Variants in ABR observed in about 807,000 individuals in gnomAD.
ABR encodes active breakpoint cluster region-related protein.
A neutral mutation model predicts 107.2 loss-of-function variants in ABR; 35 were observed. That is an observed-to-expected ratio of 0.33 (90% CI 0.25 to 0.43). The LOEUF (loss-of-function observed/expected upper bound fraction) is 0.43, where lower values mean the gene tolerates loss of function less well. Among genes scored for constraint, ABR ranks in the 20% least tolerant of loss-of-function variants. The probability of loss-of-function intolerance (pLI) is 1.00; values close to 1 mark genes in which losing one functional copy is unlikely to be tolerated. For missense variants in ABR, 815 were observed against 1,115.2 expected (o/e 0.73, Z 3.83); for synonymous variants, 498 against 462.0 (o/e 1.08, Z -1.00).
At chr17:1,149,791 G>A (rs542394595) in intron 1 of ABR, among the ~76,000 whole-genome samples, 57 of 152,276 alleles carry the variant, frequency 3.7e-4, no homozygotes, top group Non-Finnish European at 6.9e-4. Flanking sequence ...AGGGGTTGCC[G>A]GGCACCTGTC....
chr17:1,088,207 C>T (rs1026353744), intron 4 of ABR, among the ~76,000 whole-genome samples: 4 of 152,038 alleles, frequency 2.6e-5, no homozygotes, highest in African/African-American at 7.2e-5. Context: ...AGACCAGAAC[C>T]GGGGACAGCC....
chr17:1,010,679 T>A lies in ABR; in HGVS notation c.2236+50A>T. The A allele has an allele frequency of 6.3e-7, 1 of 1,596,324 alleles. No individual in the cohort carries two copies. Among genetic ancestry groups the A allele is most frequent in the Non-Finnish European group, 8.5e-7 (1 of 1,170,160 alleles). ...GCTGGTTACTTCTCCGGGCAGGGAG[T>A]CCTGGCTCAGTCTGGCCCAGCCCAG... On this transcript the variant is annotated intron_variant, in intron 20 of 22. Transcript: ENST00000302538. The surrounding 1 kb of genome is among the most constrained non-coding windows in gnomAD (Gnocchi z 4.1).
Position 1,197,988 on chromosome 17 carries a change from C to T in ABR, c.838+30805G>A, listed in dbSNP as rs182639563. Among the ~76,000 whole-genome samples, 11 of 151,850 alleles carry T rather than the reference C, an allele frequency of 7.2e-5. 1 individual carries two copies. Among genetic ancestry groups the T allele is most frequent in the Admixed American group, 3.3e-4 (5 of 15,268 alleles). Reference sequence around the variant, plus strand: ...GGAACACTGCCGCTGCTGCTGCGCCCGGCTGGCCGCAGCCCCACGCTGTGG... The same window carrying T: ...GGAACACTGCCGCTGCTGCTGCGCCTGGCTGGCCGCAGCCCCACGCTGTGG... On this transcript the variant is annotated intron_variant, in intron 1 of 22. Coordinates refer to the ABR transcript ENST00000574139.
Position 1,179,736 on chromosome 17 carries a change from G to C in ABR, c.-9C>G, listed in dbSNP as rs772673466. On this transcript the variant is annotated 5_prime_UTR_variant, in exon 1 of 23. Transcript: ENST00000302538. The surrounding 1 kb of genome is among the most constrained non-coding windows in gnomAD (Gnocchi z 4.9). ...TGGCTGAGCGGCTCCATCCCGCGGC[G>C]GCGGCTCGGTCAGATCCGAAACCCG... is the stretch of plus-strand genomic sequence containing the variant. The C allele has an allele frequency of 6.6e-7, 1 of 1,526,640 alleles. No individual in the cohort carries two copies. Among genetic ancestry groups the C allele is most frequent in the South Asian group, 1.2e-5 (1 of 80,896 alleles). 94.6% of individuals were successfully genotyped at this position (1,526,640 alleles called of 1,614,324 possible).
rs997910371 is a variant in ABR at position 1,150,562 on chromosome 17, C to G, written c.62-25195G>C. 2.6e-5 allele frequency among the ~76,000 whole-genome samples: 4 copies of G among 152,198 alleles called. No homozygotes were observed. Among genetic ancestry groups the G allele is most frequent in the Admixed American group, 2.6e-4 (4 of 15,278 alleles). On this transcript the variant is annotated intron_variant, in intron 1 of 22. Coordinates refer to ENST00000302538, the MANE Select transcript of ABR (RefSeq NM_021962.5). The surrounding 1 kb of genome is among the most constrained non-coding windows in gnomAD (Gnocchi z 4.8). Reference sequence around the variant, plus strand: ...CCAGGAGGACGGGCCCCGGGCATGGCAAGCGCACTGCCCCCTCTCACTCCT... The same window carrying G: ...CCAGGAGGACGGGCCCCGGGCATGGGAAGCGCACTGCCCCCTCTCACTCCT...
chr17:1,123,866 G>A (rs2039465750), intron 2 of ABR, among the ~76,000 whole-genome samples: 1 of 152,158 alleles, frequency 6.6e-6, no homozygotes, highest in African/African-American at 2.4e-5. Flanking sequence ...GAGAACCAGG[G>A]CAAAAACCCT....
In ABR at chr17:1,024,615, G is replaced by A. The variant is rs528499678; in HGVS notation, c.1792-11451C>T. Among the ~76,000 whole-genome samples the A allele has an allele frequency of 5.3e-4, 80 of 151,960 alleles. 1 individual carries two copies. Among genetic ancestry groups the A allele is most frequent in the African/African-American group, 1.6e-3 (65 of 41,472 alleles). On this transcript the variant is annotated intron_variant, in intron 16 of 22. Transcript: ENST00000302538. ...AGCCTGCGCAACATAACGAAACCTC[G>A]TCTTTACAAAAAATACAAAAATTAG...
At chr17:1,068,397 T>C (rs532702265) in intron 9 of ABR, among the ~76,000 whole-genome samples, 1 of 152,266 alleles carries the variant, frequency 6.6e-6, no homozygotes, top group African/African-American at 2.4e-5. Context: ...AGAGGTAGGA[T>C]AGCCTGGTGG....
chr17:1,184,384 G>A (rs9900992), upstream of ABR, among the ~76,000 whole-genome samples: 329 of 150,744 alleles, frequency 2.2e-3, 2 homozygotes, highest in African/African-American at 7.5e-3. Context: ...GAACCTGGGA[G>A]GTGGAGCTTG....
Position 1,076,285 on chromosome 17 carries a change from T to C in ABR, c.701-2608A>G, listed in dbSNP as rs182743622. Among the ~76,000 whole-genome samples, 269 of 152,266 alleles carry C rather than the reference T, an allele frequency of 1.8e-3. 1 individual carries two copies. Among genetic ancestry groups the C allele is most frequent in the African/African-American group, 6.1e-3 (252 of 41,562 alleles). The stretch of plus-strand genomic sequence containing the variant: ...TTCCAGAGACCCTCCCCATGGGCCA[T>C]GGAAGCTTGAAGGAATGAGGCCAGT... On this transcript the variant is annotated intron_variant, in intron 6 of 22. Transcript: ENST00000302538.
intron 2 of ABR, among the ~76,000 whole-genome samples, chr17:1,105,021 T>C (rs2038153153): frequency 6.7e-6 from 1 of 149,740 alleles, no homozygotes; most frequent in Non-Finnish European, 1.5e-5. Flanking sequence ...TTTTTTTTTT[T>C]TTTTTGAGAC....
At chr17:1,196,915 CA>C (rs1170147662) in intron 1 of ABR, among the ~76,000 whole-genome samples, 1 of 151,832 alleles carries the variant, frequency 6.6e-6, no homozygotes, top group Non-Finnish European at 1.5e-5. Flanking sequence ...AGGATGGTCT[CA>C]ATCTCCTGAC....
chr17:1,058,646 T>C (rs2033607588), intron 11 of ABR, 99 bp downstream of exon 11: 2 of 1,466,314 alleles, frequency 1.4e-6, no homozygotes, highest in African/African-American at 1.4e-5. Context: ...AGAGGGGGCC[T>C]GAGTTTCCGG....
chr17:1,077,603 C>G (rs1266852944), intron 6 of ABR, among the ~76,000 whole-genome samples: 1 of 152,186 alleles, frequency 6.6e-6, no homozygotes, highest in African/African-American at 2.4e-5. Context: ...GGTCAGGGGG[C>G]ACTGGCCCCA....
intron 9 of ABR, among the ~76,000 whole-genome samples, 196 bp from the exon 10 acceptor site, chr17:1,067,438 C>T (rs1035890870): frequency 6.6e-6 from 1 of 152,236 alleles, no homozygotes; most frequent in African/African-American, 2.4e-5. Context: ...GGGGTCCGCC[C>T]CGCCCGCAGG....
intron 1 of ABR, among the ~76,000 whole-genome samples, chr17:1,186,428 TC>T (rs34525428): frequency 6.6e-6 from 1 of 152,170 alleles, no homozygotes; most frequent in Non-Finnish European, 1.5e-5. Flanking sequence ...GTGGACCTGC[TC>T]CCCGGGGAGC....
At chr17:1,095,057 G>A (rs979412261) in intron 3 of ABR, among the ~76,000 whole-genome samples, 1 of 152,146 alleles carries the variant, frequency 6.6e-6, no homozygotes, top group Admixed American at 6.5e-5. Context: ...GGAGGAGCCC[G>A]CAGAGTCGCC....
chr17:1,087,218 CT>C (rs1429409095), intron 4 of ABR, among the ~76,000 whole-genome samples: 12 of 152,212 alleles, frequency 7.9e-5, no homozygotes, highest in Non-Finnish European at 1.6e-4. Context: ...CACCAAGGTG[CT>C]GGGGGAAGTG....
intron 1 of ABR, among the ~76,000 whole-genome samples, chr17:1,196,699 T>C (rs2042574973): frequency 6.7e-6 from 1 of 148,510 alleles, no homozygotes; most frequent in Non-Finnish European, 1.5e-5. Flanking sequence ...AACCTTCCTT[T>C]TTTTTTTTTT....
Sources: gnomAD v4.1 joint callset for allele counts (sites outside exome capture counted in the v4.1 genomes callset) on GRCh38, gnomAD v4.1.1 for gene constraint, Gnocchi (gnomAD v3.1) non-coding constraint, MANE v1.5 for transcripts, NCBI Gene and HGNC (gene_info 2026-07-23, HGNC 2026-07-21) for gene names.